PCDH1: variants seen among roughly 807,000 people sequenced by gnomAD.
PCDH1 encodes the protein protocadherin-1.
Under a neutral mutation model 74.6 loss-of-function variants are expected in PCDH1, and 23 were observed. The observed-to-expected ratio is 0.31, with a 90% CI of 0.22 to 0.44. PCDH1 has a LOEUF of 0.44. PCDH1 is among the 20% of genes least tolerant of loss of function. The probability of loss-of-function intolerance (pLI) is 1.00; values close to 1 mark genes in which losing one functional copy is unlikely to be tolerated. For synonymous variants in PCDH1, 647 were observed against 686.1 expected, an observed-to-expected ratio of 0.94 and a Z score of 0.89; for missense variants, 1,214 against 1,641.4, an observed-to-expected ratio of 0.74 and a Z score of 4.50.
At position 141,873,738 on chromosome 5, in the gene PCDH1, G is replaced by A. The variant is rs143513415; in HGVS notation, c.41-4307C>T. Among the ~76,000 whole-genome samples, 13 of 152,074 alleles carry A rather than the reference G, an allele frequency of 8.5e-5. 1 individual carries two copies. In the East Asian group the frequency reaches 1.7e-3, roughly 20 times the overall value. ...CTCCCAAAGTGCTGGGATTACAGGC[G>A]TGAGCCACTGCGCCCAGCCCCTGCA... is the stretch of plus-strand genomic sequence containing the variant. On this transcript the variant is annotated intron_variant, in intron 1 of 4. Coordinates refer to ENST00000287008, the MANE Select transcript of PCDH1 (RefSeq NM_032420.5).
intron 2 of PCDH1, chr5:141,867,611 G>T (rs141305676): frequency 2.2e-6 from 1 of 445,992 alleles, no homozygotes; most frequent in South Asian, 1.6e-5. Flanking sequence ...CAGTCCACCA[G>T]GCTCTAAAAA....
At chr5:141,877,756 G>A (rs1432010060) in intron 1 of PCDH1, among the ~76,000 whole-genome samples, 1 of 152,182 alleles carries the variant, frequency 6.6e-6, no homozygotes, top group Non-Finnish European at 1.5e-5. Flanking sequence ...CTGGCCCTCT[G>A]GGTGCCCGCG....
At chr5:141,866,387 C>T (rs192576623) in intron 2 of PCDH1, among the ~76,000 whole-genome samples, 2 of 152,350 alleles carry the variant, frequency 1.3e-5, no homozygotes, top group Admixed American at 6.5e-5. Context: ...CCCACGCCAA[C>T]TCCAACGCGC....
chr5:141,867,718 C>T, intron 2 of PCDH1: 1 of 397,354 alleles, frequency 2.5e-6, no homozygotes, highest in South Asian at 1.9e-5. Context: ...CCAGGGCAGG[C>T]CGAGCCTCCT....
intron 1 of PCDH1, among the ~76,000 whole-genome samples, chr5:141,871,108 C>A (rs1167055878): frequency 6.6e-6 from 1 of 152,216 alleles, no homozygotes; most frequent in Non-Finnish European, 1.5e-5. Context: ...GTATTGTGCA[C>A]CTATTCCTGA....
chr5:141,875,400 A>G (rs939223044), intron 1 of PCDH1, among the ~76,000 whole-genome samples: 3 of 152,114 alleles, frequency 2.0e-5, no homozygotes, highest in Non-Finnish European at 2.9e-5. Context: ...TGCTCAATAC[A>G]TTGTTGAACA....
At position 141,878,082 on chromosome 5, in the gene PCDH1, C is replaced by T. The variant is rs993662505; in HGVS notation, c.40+141G>A. 1.4e-6 allele frequency: 1 copy of T among 690,450 alleles called. No homozygotes were observed. Among genetic ancestry groups the T allele is most frequent in the Non-Finnish European group, 2.1e-6 (1 of 479,442 alleles). 42.8% of individuals were successfully genotyped at this position (690,450 alleles called of 1,614,324 possible). A position where few individuals can be genotyped will look rare whatever the true frequency, so the allele number is the denominator to read the frequency against. On this transcript the variant is annotated intron_variant, in intron 1 of 4. Transcript: ENST00000287008. The surrounding 1 kb of genome is among the most constrained non-coding windows in gnomAD (Gnocchi z 5.5). ...TCCCCTGCTATGGGCTCCCAGCAGC[C>T]CCCACCTCAGCCCCCTCGCGCCGAG... is the stretch of plus-strand genomic sequence containing the variant.
chr5:141,853,716 C>A lies in PCDH1; in HGVS notation c.*326G>T. Reference sequence around the variant, plus strand: ...TTAGAAGTACGCTGCCCACCCTTGACTCCACCATCTGCCCAAATCGAGGGG... The same window carrying A: ...TTAGAAGTACGCTGCCCACCCTTGAATCCACCATCTGCCCAAATCGAGGGG... On this transcript the variant is annotated 3_prime_UTR_variant, in exon 5 of 5. Coordinates refer to ENST00000287008, the MANE Select transcript of PCDH1 (RefSeq NM_032420.5). 3.8e-6 allele frequency: 1 copy of A among 265,552 alleles called. No individual in the cohort carries two copies. Among genetic ancestry groups the A allele is most frequent in the Non-Finnish European group, 7.1e-6 (1 of 140,330 alleles). 16.4% of individuals were successfully genotyped at this position (265,552 alleles called of 1,614,324 possible).
intron 3 of PCDH1, among the ~76,000 whole-genome samples, chr5:141,859,666 C>A (rs1752492760): frequency 1.3e-5 from 2 of 152,170 alleles, no homozygotes; most frequent in South Asian, 2.1e-4. Flanking sequence ...TACCTCATAT[C>A]CAATTATCCC....
intron 1 of PCDH1, among the ~76,000 whole-genome samples, chr5:141,872,817 T>A (rs984364330): frequency 1.3e-5 from 2 of 152,112 alleles, no homozygotes; most frequent in African/African-American, 4.8e-5. Context: ...AACCACAGGA[T>A]AATATCCAGC....
rs967520287 is a variant in PCDH1 at position 141,864,312 on chromosome 5, A to G, written c.2019T>C (p.Phe673=). The G allele has an allele frequency of 1.2e-6, 2 of 1,614,064 alleles. No homozygotes were observed. The highest frequency in any genetic ancestry group is 8.5e-7 in the Non-Finnish European group (1 of 1,179,940). Residue 673 remains phenylalanine (F), a synonymous_variant, in exon 3 of 5, where the codon TTT becomes TTC. Transcript: ENST00000287008. This position sits in a 1 kb window ranked among gnomAD's most constrained non-coding sequence, Gnocchi z 5.9. The part of the protein sequence containing the change: ...GTGTILSSLS[F]DREQQSTYTF... Reference sequence around the variant, plus strand: ...TGTAGGTGCTTTGTTGCTCTCGATCAAAGCTCAGGCTGGATAGGATGGTGC... The same window carrying G: ...TGTAGGTGCTTTGTTGCTCTCGATCGAAGCTCAGGCTGGATAGGATGGTGC...
intron 4 of PCDH1, 32 bp downstream of exon 4, chr5:141,857,220 T>C (rs746752907): frequency 6.6e-7 from 1 of 1,506,596 alleles, no homozygotes; most frequent in Non-Finnish European, 8.9e-7. Flanking sequence ...CACTCATTCC[T>C]GGGGTGCCCT....
chr5:141,867,851 G>C (rs989021616), intron 2 of PCDH1, among the ~76,000 whole-genome samples: 1 of 152,224 alleles, frequency 6.6e-6, no homozygotes. Context: ...CTGCAGAGAC[G>C]CTTTCTTTGC....
In PCDH1 at chr5:141,865,052, T is replaced by C. The variant is rs1383902196; in HGVS notation, c.1279A>G (p.Asn427Asp). The C allele has an allele frequency of 6.2e-7, 1 of 1,614,124 alleles. No homozygotes were observed. Among genetic ancestry groups the C allele is most frequent in the South Asian group, 1.1e-5 (1 of 91,084 alleles). ...VQVSDRDEGE[N>D]AAVTCVVAGD... The stretch of plus-strand genomic sequence containing the variant: ...GCCACCACACAGGTGACAGCTGCAT[T>C]CTCTCCCTCATCTCGGTCAGACACC... Residue 427 changes from asparagine (N) to aspartate (D), a missense_variant, in exon 3 of 5, where the codon AAT (asparagine) becomes GAT (aspartate). Transcript: ENST00000287008. The surrounding 1 kb of genome is among the most constrained non-coding windows in gnomAD (Gnocchi z 4.4).
chr5:141,872,574 C>A (rs573233689), intron 1 of PCDH1, among the ~76,000 whole-genome samples: 1 of 152,280 alleles, frequency 6.6e-6, no homozygotes, highest in East Asian at 1.9e-4. Flanking sequence ...GATGTGTGGC[C>A]ACTCCAAGAG....
At chr5:141,861,239 C>T (rs1475782999) in intron 3 of PCDH1, among the ~76,000 whole-genome samples, 2 of 151,844 alleles carry the variant, frequency 1.3e-5, no homozygotes, top group Non-Finnish European at 2.9e-5. Flanking sequence ...ATTGCCTCAT[C>T]GTTCACTTGT....
In PCDH1 at chr5:141,854,064, G is replaced by GC. The variant is rs1752222742; in HGVS notation, c.3691dup (p.Ala1231GlyfsTer52). The GC allele has an allele frequency of 6.6e-7, 1 of 1,519,790 alleles. No individual in the cohort carries two copies. Among genetic ancestry groups the GC allele is most frequent in the Non-Finnish European group, 8.8e-7 (1 of 1,132,798 alleles). The allele number at this position is 1,519,790 out of a possible 1,614,324, so 94.1% of individuals were successfully genotyped here. On this transcript the variant is annotated frameshift_variant, in exon 5 of 5. Transcript: ENST00000287008. LOFTEE classifies it high-confidence loss of function. ...GGCTCACAGGTAGATCTCGCGCTTG[G>GC]CCGTCTGGGCAGATGCCGGTGTGGC...
At chr5:141,855,187 C>T (rs1241432027) in intron 4 of PCDH1, among the ~76,000 whole-genome samples, 2 of 151,956 alleles carry the variant, frequency 1.3e-5, no homozygotes, top group African/African-American at 2.4e-5. Flanking sequence ...GTTGCCCAGG[C>T]TGGTCTTGAA....
chr5:141,855,057 A>C (rs1427953489), intron 4 of PCDH1, among the ~76,000 whole-genome samples: 2 of 151,540 alleles, frequency 1.3e-5, no homozygotes, highest in Non-Finnish European at 2.9e-5. Context: ...CTGCAGCCTC[A>C]ATTTCCCAGG....
Sources: allele counts gnomAD v4.1 joint callset (sites outside exome capture counted in the v4.1 genomes callset), GRCh38; gene constraint gnomAD v4.1.1; non-coding constraint Gnocchi (gnomAD v3.1); transcripts MANE v1.5; gene names NCBI Gene and HGNC (gene_info 2026-07-23, HGNC 2026-07-21).